The following TPP2 variants were observed in gnomAD, a reference collection of about 807,000 sequenced individuals.
TPP2 encodes tripeptidyl-peptidase 2.
Under a neutral mutation model 155.9 loss-of-function variants are expected in TPP2, and 34 were observed. That is an observed-to-expected ratio of 0.22 (90% confidence interval 0.17 to 0.29). The LOEUF (loss-of-function observed/expected upper bound fraction) is 0.29, where lower values mean the gene tolerates loss of function less well. Among genes scored for constraint, TPP2 ranks in the 10% least tolerant of loss-of-function variants. The pLI is 1.00. For missense variants in TPP2, 1,028 were observed against 1,522.3 expected (o/e 0.68, Z 5.40); for synonymous variants, 510 against 529.4 (o/e 0.96, Z 0.50).
At chr13:102,657,587 GTTAC>G (rs1478997236) in intron 25 of TPP2, among the ~76,000 whole-genome samples, 1 of 151,632 alleles carries the variant, frequency 6.6e-6, no homozygotes, top group Non-Finnish European at 1.5e-5. Context: ...CCATTTTTCA[GTTAC>G]TTTTTTATTA....
chr13:102,619,136 T>C (rs1047568518), intron 5 of TPP2, among the ~76,000 whole-genome samples: 3 of 152,218 alleles, frequency 2.0e-5, no homozygotes, highest in Non-Finnish European at 4.4e-5. Flanking sequence ...CCTCATTTGT[T>C]AATTGAGATA....
intron 16 of TPP2, 57 bp downstream of exon 16, chr13:102,640,433 T>G (rs1424973531): frequency 7.3e-7 from 1 of 1,373,466 alleles, no homozygotes; most frequent in African/African-American, 1.4e-5. Context: ...CTAATGACTA[T>G]AGCTGTATGA....
chr13:102,612,910 G>C (rs904114127), intron 2 of TPP2, among the ~76,000 whole-genome samples: 1 of 152,138 alleles, frequency 6.6e-6, no homozygotes, highest in African/African-American at 2.4e-5. Flanking sequence ...TGTAATGTCT[G>C]TACAAAGAAG....
At chr13:102,663,363 G>A (rs1335561138) in intron 25 of TPP2, among the ~76,000 whole-genome samples, 2 of 152,146 alleles carry the variant, frequency 1.3e-5, no homozygotes, top group Non-Finnish European at 2.9e-5. Context: ...GGCCAGGATG[G>A]TCTTGATCTC....
At chr13:102,604,154 C>T (rs1334049480) in intron 1 of TPP2, among the ~76,000 whole-genome samples, 1 of 152,118 alleles carries the variant, frequency 6.6e-6, no homozygotes, top group Non-Finnish European at 1.5e-5. Flanking sequence ...GTTTGAGGTG[C>T]TAGTGTGGCA....
intron 22 of TPP2, 124 bp downstream of exon 22, chr13:102,649,275 C>A: frequency 6.9e-7 from 1 of 1,444,128 alleles, no homozygotes; most frequent in Non-Finnish European, 9.3e-7. Context: ...TGAAGTATTT[C>A]TTCCTTTGAT....
intron 25 of TPP2, among the ~76,000 whole-genome samples, chr13:102,663,125 TA>T (rs1228718032): frequency 1.9e-4 from 16 of 84,572 alleles, no homozygotes; most frequent in Non-Finnish European, 2.7e-4. Context: ...TTGATTTATT[TA>T]TTTATTTTTT....
Position 102,604,973 on chromosome 13 carries a change from A to T in TPP2, c.294+52A>T, listed in dbSNP as rs761669889. ...TTTTTTTTTTTTTACTCTTGCCTCAAAGCATCTAATGTTTTTACCTTACAT... is the reference window on the plus strand; with the variant it reads ...TTTTTTTTTTTTTACTCTTGCCTCATAGCATCTAATGTTTTTACCTTACAT... On this transcript the variant is annotated intron_variant, in intron 2 of 29. Transcript: ENST00000376052. The T allele has an allele frequency of 2.5e-6, 4 of 1,599,016 alleles. No individual in the cohort carries two copies. The South Asian group carries it at 3.4e-5, about 14-fold the overall frequency.
chr13:102,640,477 A>G (rs767667175), intron 16 of TPP2, 101 bp downstream of exon 16: 1 of 894,402 alleles, frequency 1.1e-6, no homozygotes, highest in Non-Finnish European at 1.8e-6. Flanking sequence ...TTTCCCTGGT[A>G]CTAATATATG....
rs918736691 is a variant in TPP2 at position 102,617,204 on chromosome 13, G to A, written c.495+704G>A. On this transcript the variant is annotated intron_variant, in intron 4 of 29. Coordinates refer to ENST00000376052, the MANE Select transcript of TPP2 (RefSeq NM_001330588.2). ...GCTGGGATTACAGGCATGAGCCACC[G>A]TGCCCGGCCTATGTATTCTCTAATT... Among the ~76,000 whole-genome samples the A allele has an allele frequency of 5.3e-5, 8 of 151,910 alleles. No individual in the cohort carries two copies. In the South Asian group the frequency reaches 8.3e-4, roughly 16 times the overall value.
intron 24 of TPP2, among the ~76,000 whole-genome samples, chr13:102,656,027 A>AT (rs1282379778): frequency 6.6e-6 from 1 of 151,664 alleles, no homozygotes; most frequent in Non-Finnish European, 1.5e-5. Flanking sequence ...AAATCTATTC[A>AT]TTTTCTCCCA....
intron 2 of TPP2, chr13:102,607,643 A>G (rs776965820): frequency 4.5e-5 from 20 of 449,154 alleles, no homozygotes; most frequent in Non-Finnish European, 8.0e-5. Flanking sequence ...TTGAAGTACA[A>G]TGGCACAATC....
At chr13:102,665,188 C>G (rs1326113813) in intron 27 of TPP2, among the ~76,000 whole-genome samples, 1 of 152,142 alleles carries the variant, frequency 6.6e-6, no homozygotes, top group Admixed American at 6.5e-5. Flanking sequence ...TATCTGTGAT[C>G]AAGCAGTCCA....
At chr13:102,620,357 TATA>T in intron 5 of TPP2, among the ~76,000 whole-genome samples, 1 of 152,356 alleles carries the variant, frequency 6.6e-6, no homozygotes, top group Middle Eastern at 3.4e-3. Context: ...AACATTTTAT[TATA>T]ATAAATGAAT....
chr13:102,609,939 G>A (rs1880150283), intron 2 of TPP2, among the ~76,000 whole-genome samples: 1 of 152,134 alleles, frequency 6.6e-6, no homozygotes. Flanking sequence ...CAGGATGTGG[G>A]ATGGGGCAAT....
chr13:102,657,230 ATTC>A, intron 25 of TPP2, 23 bp downstream of exon 25: 1 of 1,540,396 alleles, frequency 6.5e-7, no homozygotes, highest in Non-Finnish European at 8.7e-7. Flanking sequence ...ATGTATTTTA[ATTC>A]TTTAAATGTT....
In TPP2 at chr13:102,622,923, G is replaced by A. The variant is rs764423980; in HGVS notation, c.667G>A (p.Val223Met). ...AGATGGGGACTTGAGTAAATCTACC[G>A]TGTTGAGAAACTACAAAGAAGCCCA... ...NEDGDLSKST[V>M]LRNYKEAQEY... The change falls in exon 6 of 30, where the codon GTG becomes ATG. Residue 223 changes from valine to methionine, a missense_variant. Physicochemically the swap from Val to Met is conservative, Grantham distance 21 (BLOSUM62 1). This residue lies in a region of TPP2 where 300 missense variants were observed against 398.3 expected (regional missense o/e 0.75). Coordinates refer to ENST00000376052, the MANE Select transcript of TPP2 (RefSeq NM_001330588.2). The A allele has an allele frequency of 7.0e-5, 113 of 1,614,050 alleles. 5 individuals carry two copies. The South Asian group carries it at 1.1e-3, about 15-fold the overall frequency.
chr13:102,630,332 T>G (rs1881937523), intron 10 of TPP2, 137 bp downstream of exon 10: 3 of 575,926 alleles, frequency 5.2e-6, no homozygotes, highest in Non-Finnish European at 8.9e-6. Flanking sequence ...TCATTTTGAT[T>G]AACAGTCTCA....
At chr13:102,632,294 G>GAGTGC (rs1882070932) in intron 10 of TPP2, among the ~76,000 whole-genome samples, 2 of 151,738 alleles carry the variant, frequency 1.3e-5, no homozygotes. Context: ...ACCCAGGCTG[G>GAGTGC]AGTGCAGTGG....
Sources: allele counts gnomAD v4.1 joint callset (sites outside exome capture counted in the v4.1 genomes callset), GRCh38; gene constraint gnomAD v4.1.1; regional missense constraint gnomAD v4.1.1; transcripts MANE v1.5; gene names NCBI Gene and HGNC (gene_info 2026-07-23, HGNC 2026-07-21).